LRCH1: variants seen among roughly 807,000 people sequenced by gnomAD.
The protein encoded by LRCH1 is leucine rich repeats and calponin homology domain containing 1.
In LRCH1, 23 loss-of-function variants were observed where a neutral mutation model predicts 94.9. The observed-to-expected ratio is 0.24, with a 90% CI of 0.17 to 0.34. The LOEUF (loss-of-function observed/expected upper bound fraction) is 0.34. LRCH1 is among the 10% of genes least tolerant of loss of function. The pLI is 1.00. For synonymous variants in LRCH1, 364 were observed against 354.9 expected, an observed-to-expected ratio of 1.03 and a Z score of -0.29; for missense variants, 790 against 945.9, an observed-to-expected ratio of 0.84 and a Z score of 2.16.
intron 2 of LRCH1, among the ~76,000 whole-genome samples, chr13:46,658,664 A>G (rs1593331052): frequency 6.6e-6 from 1 of 152,044 alleles, no homozygotes; most frequent in African/African-American, 2.4e-5. Context: ...ATTTTTTTAT[A>G]GAGATGGAGT....
intron 2 of LRCH1, among the ~76,000 whole-genome samples, chr13:46,667,814 A>C (rs183079049): frequency 9.6e-4 from 146 of 152,366 alleles, no homozygotes; most frequent in Admixed American, 3.1e-3. Context: ...TGGAAAATAC[A>C]TCAAAGTATA....
At chr13:46,725,667 C>G (rs1017252760) in intron 17 of LRCH1, among the ~76,000 whole-genome samples, 1 of 152,136 alleles carries the variant, frequency 6.6e-6, no homozygotes, top group Non-Finnish European at 1.5e-5. Flanking sequence ...GCAGATGATA[C>G]TTTTTATATG....
At chr13:46,581,554 G>T (rs751652620) in intron 1 of LRCH1, among the ~76,000 whole-genome samples, 2 of 152,198 alleles carry the variant, frequency 1.3e-5, no homozygotes, top group Non-Finnish European at 2.9e-5. Flanking sequence ...AGACTCACGA[G>T]AACTCTATAA....
chr13:46,559,737 CCTT>C (rs1340158645), intron 1 of LRCH1, among the ~76,000 whole-genome samples: 1 of 152,206 alleles, frequency 6.6e-6, no homozygotes, highest in African/African-American at 2.4e-5. Context: ...CAAGGTTTGA[CCTT>C]CATCACTGAG....
rs1425630236 is a variant in LRCH1 at position 46,559,642 on chromosome 13, C to T, written c.307+5939C>T. ...CTTGAAAAGGCAAGGACATACTAATCATGCTTCTAGAATAATAGCATACAA... is the reference window on the plus strand; with the variant it reads ...CTTGAAAAGGCAAGGACATACTAATTATGCTTCTAGAATAATAGCATACAA... On this transcript the variant is annotated intron_variant, in intron 1 of 19. Coordinates refer to ENST00000389797, the MANE Select transcript of LRCH1 (RefSeq NM_001164211.2). Among the ~76,000 whole-genome samples the T allele has an allele frequency of 2.6e-5, 4 of 152,210 alleles. No individual in the cohort carries two copies. The East Asian group carries it at 5.8e-4, about 22-fold the overall frequency.
At chr13:46,726,793 A>AC (rs1360928193) in intron 17 of LRCH1, among the ~76,000 whole-genome samples, 11 of 142,392 alleles carry the variant, frequency 7.7e-5, no homozygotes, top group Non-Finnish European at 1.5e-5. Context: ...CCAGTAGAAA[A>AC]CCCAGATGCC....
intron 1 of LRCH1, among the ~76,000 whole-genome samples, chr13:46,582,110 A>T (rs1215294360): frequency 6.8e-6 from 1 of 147,806 alleles, no homozygotes. Context: ...AAATCATGCC[A>T]CAGCACTCCA....
At chr13:46,658,089 A>G (rs1443339992) in intron 2 of LRCH1, among the ~76,000 whole-genome samples, 4 of 152,204 alleles carry the variant, frequency 2.6e-5, no homozygotes, top group Non-Finnish European at 1.5e-5. Context: ...ATAATTATGA[A>G]AATAGTTGTT....
chr13:46,647,461 T>A (rs913634507), intron 1 of LRCH1, among the ~76,000 whole-genome samples: 1 of 152,222 alleles, frequency 6.6e-6, no homozygotes, highest in Non-Finnish European at 1.5e-5. Context: ...CTTTTCTTGT[T>A]TATGATTTGT....
intron 1 of LRCH1, among the ~76,000 whole-genome samples, chr13:46,573,859 TA>T (rs2050268873): frequency 1.8e-4 from 14 of 77,674 alleles, no homozygotes; most frequent in Admixed American, 1.3e-3. Context: ...TATATATATA[TA>T]TATATATTTT....
At chr13:46,573,621 C>T (rs915398321) in intron 1 of LRCH1, among the ~76,000 whole-genome samples, 1 of 151,504 alleles carries the variant, frequency 6.6e-6, no homozygotes, top group African/African-American at 2.4e-5. Context: ...TGAAATAAGC[C>T]GGGCACAGAA....
intron 1 of LRCH1, among the ~76,000 whole-genome samples, chr13:46,584,010 A>G (rs932598361): frequency 2.6e-5 from 4 of 151,868 alleles, no homozygotes; most frequent in African/African-American, 9.7e-5. Flanking sequence ...TCCTTCTTAT[A>G]GAATAATATT....
chr13:46,566,023 G>A (rs576421787), intron 1 of LRCH1, among the ~76,000 whole-genome samples: 1 of 152,030 alleles, frequency 6.6e-6, no homozygotes, highest in South Asian at 2.1e-4. Context: ...CCAGATTGGA[G>A]GGGTGAGGAA....
At chr13:46,726,860 GT>G (rs1200129317) in intron 17 of LRCH1, among the ~76,000 whole-genome samples, 1 of 27,646 alleles carries the variant, frequency 3.6e-5, no homozygotes, top group Non-Finnish European at 1.0e-4. Flanking sequence ...CTAGAGCAGT[GT>G]CAAAAAAAAA....
intron 16 of LRCH1, among the ~76,000 whole-genome samples, chr13:46,722,775 CTT>C (rs1333070429): frequency 2.6e-5 from 4 of 152,210 alleles, no homozygotes; most frequent in African/African-American, 7.2e-5. Flanking sequence ...TTACAAAAAA[CTT>C]TATGCCAACA....
At chr13:46,574,822 G>GTT (rs754195815) in intron 1 of LRCH1, among the ~76,000 whole-genome samples, 45 of 69,406 alleles carry the variant, frequency 6.5e-4, no homozygotes, top group South Asian at 1.9e-3. Context: ...TGTGTGTGGG[G>GTT]TTTTTTTTTT....
chr13:46,614,974 A>G (rs548593401), intron 1 of LRCH1, among the ~76,000 whole-genome samples: 5 of 152,156 alleles, frequency 3.3e-5, no homozygotes, highest in Non-Finnish European at 7.4e-5. Flanking sequence ...TAGACATTTT[A>G]TTAGGAAGAT....
chr13:46,611,472 GA>G (rs1294093084), intron 1 of LRCH1, among the ~76,000 whole-genome samples: 3 of 152,136 alleles, frequency 2.0e-5, no homozygotes, highest in Non-Finnish European at 4.4e-5. Context: ...ACACATGAGA[GA>G]TGGTAGTGTG....
intron 4 of LRCH1, among the ~76,000 whole-genome samples, chr13:46,683,715 G>A (rs1870458643): frequency 1.3e-5 from 2 of 152,070 alleles, no homozygotes; most frequent in South Asian, 4.2e-4. Flanking sequence ...CTAGATTTTT[G>A]TCTCTCTCTG....
Sources: allele counts gnomAD v4.1 joint callset (sites outside exome capture counted in the v4.1 genomes callset), GRCh38; gene constraint gnomAD v4.1.1; transcripts MANE v1.5; gene names NCBI Gene and HGNC (gene_info 2026-07-23, HGNC 2026-07-21).